The following SPTB variants were observed in gnomAD, a reference collection of about 807,000 sequenced individuals.
SPTB encodes spectrin beta chain, erythrocytic.
In SPTB, 45 loss-of-function variants were observed where a neutral mutation model predicts 256.2. That is an observed-to-expected ratio of 0.18 (90% CI 0.14 to 0.23). The LOEUF (loss-of-function observed/expected upper bound fraction) is 0.23. SPTB is among the 10% of genes least tolerant of loss of function. SPTB has a pLI of 1.00. For synonymous variants in SPTB, 1,231 were observed against 1,243.1 expected (o/e 0.99, Z 0.21); for missense variants, 2,715 against 3,040.4 (o/e 0.89, Z 2.52).
chr14:64,822,817 A>C lies in SPTB; in HGVS notation c.148+130T>G, dbSNP rs1006613. 37 of 1,426,024 alleles carry C rather than the reference A, an allele frequency of 2.6e-5. No individual in the cohort carries two copies. The African/African-American group carries it at 4.9e-4, about 19-fold the overall frequency. 88.3% of individuals were successfully genotyped at this position (1,426,024 alleles called of 1,614,324 possible). On this transcript the variant is annotated intron_variant, in intron 2 of 35. Transcript: ENST00000644917. ...GGGGACCCCCACCTCCCTGAGCCCGACAAACACGTCTCCATCACTGCCATG... is the reference window on the plus strand; with the variant it reads ...GGGGACCCCCACCTCCCTGAGCCCGCCAAACACGTCTCCATCACTGCCATG...
rs143669491 is a variant in SPTB at position 64,830,334 on chromosome 14, CTTATTATTATTATTATTA to C, written c.-51-7207_-51-7190del. On this transcript the variant is annotated intron_variant, in intron 1 of 35. Transcript: ENST00000644917. ...CAGACCTGATCTCAAACTCTGGAGT[CTTATTATTATTATTATTA>C]TTATTATTATTATTATTATTATTAT... Among the ~76,000 whole-genome samples, 1,132 of 138,562 alleles carry C rather than the reference CTTATTATTATTATTATTA, an allele frequency of 8.2e-3. 15 individuals carry two copies. The highest frequency in any genetic ancestry group is 0.026 in the African/African-American group (972 of 37,390). The allele number at this position is 138,562 out of a possible 152,430, so 90.9% of individuals were successfully genotyped here. A position where few individuals can be genotyped will look rare whatever the true frequency, so the allele number is the denominator to read the frequency against.
At chr14:64,776,017 A>G (rs2082351027) in intron 22 of SPTB, among the ~76,000 whole-genome samples, 1 of 152,160 alleles carries the variant, frequency 6.6e-6, no homozygotes, top group South Asian at 2.1e-4. Context: ...TCATGAACAC[A>G]GCCTCTTCCT....
intron 1 of SPTB, among the ~76,000 whole-genome samples, chr14:64,862,490 A>G (rs1289705876): frequency 2.6e-5 from 4 of 152,106 alleles, no homozygotes; most frequent in Non-Finnish European, 5.9e-5. Context: ...CCATCTCTGT[A>G]AAAACATTTT....
At chr14:64,791,122 C>G (rs1440296974) in intron 15 of SPTB, among the ~76,000 whole-genome samples, 1 of 152,168 alleles carries the variant, frequency 6.6e-6, no homozygotes, top group Non-Finnish European at 1.5e-5. Context: ...GATGTGCCCT[C>G]CATCACACAT....
At chr14:64,865,529 C>T (rs758079982) in intron 1 of SPTB, among the ~76,000 whole-genome samples, 7 of 152,058 alleles carry the variant, frequency 4.6e-5, no homozygotes, top group South Asian at 2.1e-4. Flanking sequence ...ATTTTCTGAG[C>T]GTTTTCTGGG....
In SPTB at chr14:64,775,327, G is replaced by A. The variant is rs758456079; in HGVS notation, c.4640C>T (p.Ala1547Val). ...AAGGTCCTGGCAGTCGATCTCCGCC[G>A]CCTCCACCAGCTGCTGCCCTCTCTG... ...VLQRGQQLVE[A>V]AEIDCQDLEE... The change falls in exon 23 of 36, where the codon GCG becomes GTG. Residue 1547 changes from alanine (A) to valine (V), a missense_variant. Transcript: ENST00000644917. The surrounding 1 kb of genome is among the most constrained non-coding windows in gnomAD (Gnocchi z 5.0). 1.2e-5 allele frequency: 19 copies of A among 1,613,204 alleles called. No individual in the cohort carries two copies. The highest frequency in any genetic ancestry group is 1.6e-4 in the Middle Eastern group (1 of 6,076).
chr14:64,752,144 C>G, intron 33 of SPTB: 1 of 1,303,876 alleles, frequency 7.7e-7, no homozygotes, highest in South Asian at 1.2e-5. Flanking sequence ...GGGCTCATGT[C>G]AACTGGCATG....
rs1271170656 is a variant in SPTB, at chr14:64,784,393, G to A, written c.3856C>T (p.Leu1286Phe). ...LQNFLQNCQE[L>F]TLWINDKLLT... ...AGCTTGTCGTTGATCCAGAGAGTGAGCTGTGTGCATAAAGAGTGGGCTGAC... is the reference window on the plus strand; with the variant it reads ...AGCTTGTCGTTGATCCAGAGAGTGAACTGTGTGCATAAAGAGTGGGCTGAC... Residue 1286 changes from leucine (L) to phenylalanine (F), a missense_variant and splice_region_variant, in exon 19 of 36, where the codon CTC becomes TTC. Physicochemically the swap from Leu to Phe is conservative, Grantham distance 22. Around this residue, in one of 4 missense-constraint regions of SPTB, gnomAD observed 2,239 missense variants for 2,384.4 expected, o/e 0.94. Coordinates refer to ENST00000644917, the MANE Select transcript of SPTB (RefSeq NM_001355436.2). The A allele has an allele frequency of 1.9e-6, 3 of 1,614,154 alleles. No homozygotes were observed. The highest frequency in any genetic ancestry group is 2.5e-6 in the Non-Finnish European group (3 of 1,180,040).
chr14:64,823,376 G>A lies in SPTB; in HGVS notation c.-51-231C>T, dbSNP rs1306397830. On this transcript the variant is annotated intron_variant, in intron 1 of 35. Transcript: ENST00000644917. This position sits in a 1 kb window ranked among gnomAD's most constrained non-coding sequence, Gnocchi z 6.5. ...CAGTGGCAGGGATGGAGAGCTGCAC[G>A]TAGCAAGGGTCAGGACGGCCAGCAG... Among the ~76,000 whole-genome samples, 3 of 152,200 alleles carry A rather than the reference G, an allele frequency of 2.0e-5. No homozygotes were observed. Among genetic ancestry groups the A allele is most frequent in the Non-Finnish European group, 2.9e-5 (2 of 68,030 alleles).
intron 27 of SPTB, 112 bp from the exon 28 acceptor site, chr14:64,769,840 C>G (rs2082252073): frequency 2.0e-6 from 3 of 1,465,874 alleles, no homozygotes; most frequent in Non-Finnish European, 1.9e-6. Context: ...TGACCGTGCT[C>G]CCTCCTCTCT....
chr14:64,869,714 C>T (rs1882414837), intron 1 of SPTB, among the ~76,000 whole-genome samples: 1 of 150,718 alleles, frequency 6.6e-6, no homozygotes, highest in African/African-American at 2.4e-5. Context: ...CTCAACTTTC[C>T]TGGGCTCACG....
At chr14:64,813,402 A>T (rs1400902687) in intron 2 of SPTB, among the ~76,000 whole-genome samples, 1 of 152,160 alleles carries the variant, frequency 6.6e-6, no homozygotes, top group Non-Finnish European at 1.5e-5. Flanking sequence ...TTCTGAAAAC[A>T]ATCATTTCAT....
rs371492232 is a variant in SPTB at position 64,866,825 on chromosome 14, A to G, written c.-52+12967T>C. Among the ~76,000 whole-genome samples the G allele has an allele frequency of 5.3e-5, 8 of 152,342 alleles. No homozygotes were observed. In the East Asian group the frequency reaches 1.2e-3, roughly 22 times the overall value. The stretch of plus-strand genomic sequence containing the variant: ...CTTAAGGACAAACAATAAACAGATT[A>G]ACTGTACCCAGAAAAATAAAACCTC... On this transcript the variant is annotated intron_variant, in intron 1 of 35. Coordinates refer to ENST00000644917, the MANE Select transcript of SPTB (RefSeq NM_001355436.2). This position sits in a 1 kb window ranked among gnomAD's most constrained non-coding sequence, Gnocchi z 4.6.
intron 15 of SPTB, among the ~76,000 whole-genome samples, chr14:64,788,286 T>C (rs894197853): frequency 1.3e-5 from 2 of 152,170 alleles, no homozygotes; most frequent in African/African-American, 4.8e-5. Context: ...GTCTCATTCA[T>C]CTTTGTACCC....
intron 1 of SPTB, among the ~76,000 whole-genome samples, chr14:64,842,294 G>A (rs928467865): frequency 6.0e-5 from 9 of 150,972 alleles, no homozygotes; most frequent in African/African-American, 9.7e-5. Context: ...GTACTCCTTC[G>A]TTCAGCAAGG....
At chr14:64,797,907 TAA>T in intron 9 of SPTB, 61 bp from the exon 10 acceptor site, 1 of 1,222,466 alleles carries the variant, frequency 8.2e-7, no homozygotes, top group Non-Finnish European at 1.2e-6. Context: ...ATTTTTTTGC[TAA>T]AGTCAACACG....
intron 1 of SPTB, among the ~76,000 whole-genome samples, chr14:64,875,619 G>A (rs1882783933): frequency 6.6e-6 from 1 of 152,192 alleles, no homozygotes; most frequent in Non-Finnish European, 1.5e-5. Context: ...ACAGACCACT[G>A]CATCTACTCT....
At position 64,792,339 on chromosome 14, in the gene SPTB, G is replaced by A. The variant is rs1007222337; in HGVS notation, c.2667-483C>T. ...AAAAGCTGCTGGGGCGGTGGTCGGG[G>A]GGAATTTGTGGTTCTGAAGGCCGAT... On this transcript the variant is annotated intron_variant, in intron 14 of 35. Transcript: ENST00000644917. The surrounding 1 kb of genome is among the most constrained non-coding windows in gnomAD (Gnocchi z 4.2). Among the ~76,000 whole-genome samples, 1 of 152,170 alleles carries A rather than the reference G, an allele frequency of 6.6e-6. No individual in the cohort carries two copies. Among genetic ancestry groups the A allele is most frequent in the Admixed American group, 6.5e-5 (1 of 15,286 alleles).
Position 64,775,464 on chromosome 14 carries a change from A to G in SPTB, c.4564-61T>C. 6.4e-7 allele frequency: 1 copy of G among 1,567,682 alleles called. No individual in the cohort carries two copies. The highest frequency in any genetic ancestry group is 8.7e-7 in the Non-Finnish European group (1 of 1,154,576). ...CCCACCATGCGGGGGAGGCTGCTTC[A>G]GCAGTGGCAGCACAGCTCTGACACC... On this transcript the variant is annotated intron_variant, in intron 22 of 35. Coordinates refer to ENST00000644917, the MANE Select transcript of SPTB (RefSeq NM_001355436.2). This position sits in a 1 kb window ranked among gnomAD's most constrained non-coding sequence, Gnocchi z 5.0.
Sources: gnomAD v4.1 joint callset for allele counts (sites outside exome capture counted in the v4.1 genomes callset) on GRCh38, gnomAD v4.1.1 for gene constraint, gnomAD v4.1.1 regional missense constraint, Gnocchi (gnomAD v3.1) non-coding constraint, MANE v1.5 for transcripts, NCBI Gene and HGNC (gene_info 2026-07-23, HGNC 2026-07-21) for gene names.